The following NCALD variants were observed in gnomAD, a reference collection of about 807,000 sequenced individuals.
The protein encoded by NCALD is neurocalcin-delta.
Under a neutral mutation model 18.6 loss-of-function variants are expected in NCALD, and 10 were observed. That is an observed-to-expected ratio of 0.54 (90% CI 0.33 to 0.91). The LOEUF (loss-of-function observed/expected upper bound fraction) is 0.91. NCALD is among the 40% of genes least tolerant of loss of function. The pLI, the probability that NCALD is intolerant of heterozygous loss-of-function variation, is 0.03. For synonymous variants in NCALD, 88 were observed against 87.4 expected (o/e 1.01, Z -0.04); for missense variants, 184 against 247.6 (o/e 0.74, Z 1.72).
At chr8:101,998,525 C>T (rs915995541) in intron 2 of NCALD, among the ~76,000 whole-genome samples, 2 of 152,156 alleles carry the variant, frequency 1.3e-5, no homozygotes, top group African/African-American at 4.8e-5. Flanking sequence ...TTCTCCTACC[C>T]TCTCCACTTC....
chr8:101,916,683 CA>C (rs1179562977), intron 2 of NCALD, among the ~76,000 whole-genome samples: 1 of 151,616 alleles, frequency 6.6e-6, no homozygotes, highest in Non-Finnish European at 1.5e-5. Context: ...GAAAACAAAA[CA>C]AAAAAAGCAG....
At chr8:101,954,149 CAGA>C (rs1449197358) in intron 2 of NCALD, among the ~76,000 whole-genome samples, 2 of 152,154 alleles carry the variant, frequency 1.3e-5, no homozygotes, top group East Asian at 3.9e-4. Flanking sequence ...CGTCCTATGG[CAGA>C]AGGAGCCTCA....
At chr8:101,998,001 A>T (rs980798637) in intron 2 of NCALD, among the ~76,000 whole-genome samples, 13 of 152,220 alleles carry the variant, frequency 8.5e-5, no homozygotes, top group Admixed American at 7.2e-4. Context: ...CAATAAGAGC[A>T]TTCAGGTAAT....
chr8:101,730,630 C>G (rs1247547488), intron 1 of NCALD, among the ~76,000 whole-genome samples: 13 of 152,068 alleles, frequency 8.5e-5, no homozygotes, highest in Non-Finnish European at 1.8e-4. Context: ...TTGTGCTAAG[C>G]ATCGAATTAG....
chr8:101,738,697 A>G (rs1430352535), intron 1 of NCALD, among the ~76,000 whole-genome samples: 1 of 152,208 alleles, frequency 6.6e-6, no homozygotes, highest in Non-Finnish European at 1.5e-5. Flanking sequence ...GGCTGTTGGC[A>G]TCAGAGGACC....
intron 1 of NCALD, among the ~76,000 whole-genome samples, chr8:101,773,700 T>C (rs1811677366): frequency 6.6e-6 from 1 of 152,226 alleles, no homozygotes; most frequent in Admixed American, 6.5e-5. Context: ...AGCTGATTCT[T>C]ATGTGAGACT....
intron 1 of NCALD, among the ~76,000 whole-genome samples, chr8:102,076,062 T>C (rs1824336160): frequency 1.3e-5 from 2 of 151,808 alleles, no homozygotes; most frequent in Admixed American, 1.3e-4. Context: ...AATAAAACTA[T>C]TATGAAATAT....
At chr8:101,782,634 TTC>T (rs1242770926) in intron 1 of NCALD, among the ~76,000 whole-genome samples, 1 of 152,214 alleles carries the variant, frequency 6.6e-6, no homozygotes, top group Non-Finnish European at 1.5e-5. Flanking sequence ...GGTGTCCTAT[TTC>T]TGTCACTAGA....
intron 1 of NCALD, among the ~76,000 whole-genome samples, chr8:101,734,688 C>T (rs1816996414): frequency 6.6e-6 from 1 of 152,136 alleles, no homozygotes; most frequent in Non-Finnish European, 1.5e-5. Context: ...CCTAAATGAC[C>T]CAGGCCATTC....
chr8:101,700,468 C>T (rs189884688), intron 2 of NCALD, among the ~76,000 whole-genome samples: 1 of 152,264 alleles, frequency 6.6e-6, no homozygotes, highest in African/African-American at 2.4e-5. Flanking sequence ...GTATAGTCAT[C>T]CCAGTAATGC....
chr8:101,799,702 G>A (rs1232338349), intron 4 of NCALD, among the ~76,000 whole-genome samples: 6 of 152,148 alleles, frequency 3.9e-5, no homozygotes, highest in African/African-American at 1.4e-4. Context: ...ATCCACTTCC[G>A]TAACATTCTT....
intron 4 of NCALD, among the ~76,000 whole-genome samples, chr8:101,796,677 T>C (rs1276336262): frequency 1.3e-5 from 2 of 151,896 alleles, no homozygotes; most frequent in Non-Finnish European, 2.9e-5. Flanking sequence ...GTAAGAGACA[T>C]TGGAATATGA....
chr8:102,006,836 A>G (rs1563535242), intron 2 of NCALD, among the ~76,000 whole-genome samples: 1 of 152,176 alleles, frequency 6.6e-6, no homozygotes, highest in Non-Finnish European at 1.5e-5. Flanking sequence ...TTCTGTAAAT[A>G]GTGCTTTGTT....
At chr8:101,929,885 A>C (rs60942694) in intron 2 of NCALD, among the ~76,000 whole-genome samples, 9,450 of 152,070 alleles carry the variant, frequency 0.062, 742 homozygotes, top group African/African-American at 0.18. Context: ...ATCTCTACTA[A>C]AAATACAAAA....
At chr8:101,942,226 G>C (rs1818986051) in intron 2 of NCALD, among the ~76,000 whole-genome samples, 1 of 152,144 alleles carries the variant, frequency 6.6e-6, no homozygotes, top group South Asian at 2.1e-4. Context: ...AATGAGGAGA[G>C]GCAGATGCAC....
In NCALD at chr8:102,087,104, T is replaced by C. The variant is rs1385561273; in HGVS notation, c.-210+37133A>G. Among the ~76,000 whole-genome samples the C allele has an allele frequency of 9.2e-5, 14 of 152,188 alleles. 1 individual carries two copies. Among genetic ancestry groups the C allele is most frequent in the Non-Finnish European group, 8.8e-5 (6 of 68,032 alleles). ...CGCTGCTCTGCCTATGGAGTAGCCATTCTTCATTTCTTTACTTTCCTAATA... is the reference window on the plus strand; with the variant it reads ...CGCTGCTCTGCCTATGGAGTAGCCACTCTTCATTTCTTTACTTTCCTAATA... On this transcript the variant is annotated intron_variant, in intron 1 of 6. Coordinates refer to the NCALD transcript ENST00000311028.
At chr8:101,900,947 T>C (rs1817398297) in intron 3 of NCALD, among the ~76,000 whole-genome samples, 1 of 152,082 alleles carries the variant, frequency 6.6e-6, no homozygotes, top group Non-Finnish European at 1.5e-5. Context: ...TAACTCTTAT[T>C]ATGAATTTGC....
intron 4 of NCALD, among the ~76,000 whole-genome samples, chr8:101,801,701 C>T (rs13250409): frequency 1.8e-5 from 2 of 109,130 alleles, no homozygotes; most frequent in Non-Finnish European, 3.4e-5. Flanking sequence ...GAATCTCCCT[C>T]TGTCGCCCAG....
intron 1 of NCALD, among the ~76,000 whole-genome samples, chr8:102,091,015 T>C (rs1330718719): frequency 6.6e-6 from 1 of 152,122 alleles, no homozygotes; most frequent in Non-Finnish European, 1.5e-5. Context: ...GTAAAGAATG[T>C]CACTTTCTAA....
Sources: gnomAD v4.1 joint callset for allele counts (sites outside exome capture counted in the v4.1 genomes callset) on GRCh38, gnomAD v4.1.1 for gene constraint, MANE v1.5 for transcripts, NCBI Gene and HGNC (gene_info 2026-07-23, HGNC 2026-07-21) for gene names.